CRADD: variants seen among roughly 807,000 people sequenced by gnomAD.
CRADD encodes death domain-containing protein CRADD.
In CRADD, 9 loss-of-function variants were observed where a neutral mutation model predicts 15.5. The observed-to-expected ratio is 0.58, with a 90% CI of 0.35 to 1.01. The LOEUF is 1.01. Among genes scored for constraint, CRADD ranks in the 50% least tolerant of loss-of-function variants. The pLI, the probability that CRADD is intolerant of heterozygous loss-of-function variation, is 0.02. For synonymous variants in CRADD, 118 were observed against 107.6 expected (o/e 1.10, Z -0.60); for missense variants, 227 against 250.3 (o/e 0.91, Z 0.63).
intron 2 of CRADD, among the ~76,000 whole-genome samples, chr12:93,883,369 G>T (rs943817942): frequency 2.0e-5 from 3 of 152,158 alleles, no homozygotes; most frequent in African/African-American, 7.2e-5. Context: ...TTTAAAATAT[G>T]AAGTATTACT....
intron 2 of CRADD, among the ~76,000 whole-genome samples, chr12:93,874,814 G>GT (rs1200831982): frequency 6.6e-6 from 1 of 151,774 alleles, no homozygotes; most frequent in Non-Finnish European, 1.5e-5. Flanking sequence ...TTTGAATGTT[G>GT]TAAGACTTGT....
At chr12:93,878,718 T>G (rs560042624) in intron 2 of CRADD, among the ~76,000 whole-genome samples, 81 of 152,298 alleles carry the variant, frequency 5.3e-4, no homozygotes, top group African/African-American at 1.7e-3. Flanking sequence ...GCCTCCTCCA[T>G]GGGTGGGCGT....
intron 2 of CRADD, among the ~76,000 whole-genome samples, chr12:93,857,887 T>G (rs1350138977): frequency 6.6e-6 from 1 of 152,238 alleles, no homozygotes; most frequent in Admixed American, 6.5e-5. Flanking sequence ...ACATTGGAGA[T>G]AGTTGATTTA....
chr12:93,778,064 G>A (rs543335620), intron 2 of CRADD, among the ~76,000 whole-genome samples: 1 of 152,142 alleles, frequency 6.6e-6, no homozygotes, highest in Admixed American at 6.5e-5. Flanking sequence ...TCCATGTGTG[G>A]TTCAGTATTG....
chr12:93,771,020 T>G (rs1427001824), intron 2 of CRADD, among the ~76,000 whole-genome samples: 1 of 152,240 alleles, frequency 6.6e-6, no homozygotes, highest in East Asian at 1.9e-4. Context: ...GTTTTATGTT[T>G]TAGTTATTTA....
intron 2 of CRADD, among the ~76,000 whole-genome samples, chr12:93,710,551 G>T (rs1307201492): frequency 6.6e-6 from 1 of 151,946 alleles, no homozygotes; most frequent in Non-Finnish European, 1.5e-5. Flanking sequence ...CACCATGTTG[G>T]CCAGGCTGGT....
chr12:93,890,026 G>A (rs975098443), intron 2 of CRADD, among the ~76,000 whole-genome samples: 9 of 152,202 alleles, frequency 5.9e-5, no homozygotes, highest in African/African-American at 2.2e-4. Context: ...TACTCAGCCC[G>A]GGCCTCCGAG....
intron 2 of CRADD, among the ~76,000 whole-genome samples, chr12:93,733,249 C>T (rs559091595): frequency 6.6e-6 from 1 of 152,152 alleles, no homozygotes; most frequent in South Asian, 2.1e-4. Flanking sequence ...AAATTGGGTA[C>T]ACATAGCTAA....
rs77040975 is a variant in CRADD, at chr12:93,688,889, T to C, written c.298+9817T>C. Among the ~76,000 whole-genome samples the C allele has an allele frequency of 9.3e-3, 1,409 of 152,322 alleles. 16 individuals carry two copies. The highest frequency in any genetic ancestry group is 0.032 in the African/African-American group (1,350 of 41,564). ...CCTAATTCTTCTTCAGAAACTCCCC[T>C]ACTTCCAGTTTCTTCCAGACACACA... On this transcript the variant is annotated intron_variant, in intron 2 of 2. Coordinates refer to ENST00000332896, the MANE Select transcript of CRADD (RefSeq NM_003805.5).
chr12:93,780,912 A>ATT lies in CRADD; in HGVS notation c.299-69044_299-69043dup, dbSNP rs58068881. Among the ~76,000 whole-genome samples, 289 of 139,306 alleles carry ATT rather than the reference A, an allele frequency of 2.1e-3. 2 individuals carry two copies. The highest frequency in any genetic ancestry group is 0.012 in the Middle Eastern group (3 of 254). The allele number at this position is 139,306 out of a possible 152,430, so 91.4% of individuals were successfully genotyped here. On this transcript the variant is annotated intron_variant, in intron 2 of 2. Coordinates refer to ENST00000332896, the MANE Select transcript of CRADD (RefSeq NM_003805.5). The stretch of plus-strand genomic sequence containing the variant: ...CAGGCACATGCCACCATGCCCAGCT[A>ATT]TTTTTTTTTTTTTTTGTATTTTTAG...
chr12:93,823,197 C>A (rs535753100), intron 2 of CRADD, among the ~76,000 whole-genome samples: 9 of 151,522 alleles, frequency 5.9e-5, no homozygotes, highest in African/African-American at 1.9e-4. Context: ...GAGGCTGAAA[C>A]AGGAGAATCG....
rs1376815105 is a variant in CRADD, at chr12:93,825,718, T to C, written c.299-24252T>C. Reference sequence around the variant, plus strand: ...ACAGCAGTATTAGGCTATGAGAACCTATTTTGCTTAACCTCTTTCCGGCAA... The same window carrying C: ...ACAGCAGTATTAGGCTATGAGAACCCATTTTGCTTAACCTCTTTCCGGCAA... On this transcript the variant is annotated intron_variant, in intron 2 of 2. Transcript: ENST00000332896. 4.6e-5 allele frequency among the ~76,000 whole-genome samples: 7 copies of C among 152,296 alleles called. No homozygotes were observed. The East Asian group carries it at 1.4e-3, about 29-fold the overall frequency.
At position 93,874,736 on chromosome 12, in the gene CRADD, C is replaced by T. The variant is rs565049435; in HGVS notation, c.299-19314C>T. Among the ~76,000 whole-genome samples, 4 of 151,874 alleles carry T rather than the reference C, an allele frequency of 2.6e-5. No individual in the cohort carries two copies. The South Asian group carries it at 8.3e-4, about 32-fold the overall frequency. On this transcript the variant is annotated intron_variant, in intron 2 of 2. Transcript: ENST00000548483. ...TGTATTTGTAAAGTTTCCAAAATTCCTCTTGTTATTGATTTCTAGTTTTAT... is the reference window on the plus strand; with the variant it reads ...TGTATTTGTAAAGTTTCCAAAATTCTTCTTGTTATTGATTTCTAGTTTTAT...
intron 2 of CRADD, among the ~76,000 whole-genome samples, chr12:93,753,899 C>G (rs2136942625): frequency 6.6e-6 from 1 of 152,352 alleles, no homozygotes; most frequent in East Asian, 1.9e-4. Flanking sequence ...GGGCGTGGCC[C>G]TCTTCTCACA....
intron 2 of CRADD, chr12:93,737,926 T>G (rs1956603272): frequency 4.3e-6 from 1 of 231,210 alleles, no homozygotes; most frequent in Non-Finnish European, 8.3e-6. Context: ...ACATTAGCAA[T>G]TTGGACTGAG....
intron 2 of CRADD, among the ~76,000 whole-genome samples, chr12:93,777,815 G>A (rs182812814): frequency 4.7e-4 from 72 of 152,220 alleles, no homozygotes; most frequent in Middle Eastern, 3.4e-3. Flanking sequence ...TGGTGCTTGC[G>A]GCTGTTTGAA....
At chr12:93,689,697 C>T (rs535766540) in intron 2 of CRADD, among the ~76,000 whole-genome samples, 1 of 152,196 alleles carries the variant, frequency 6.6e-6, no homozygotes, top group South Asian at 2.1e-4. Flanking sequence ...ATAATACCGC[C>T]GAGATGTACT....
chr12:93,817,639 C>T (rs1436116591), intron 2 of CRADD, among the ~76,000 whole-genome samples: 4 of 152,172 alleles, frequency 2.6e-5, no homozygotes, highest in Non-Finnish European at 4.4e-5. Flanking sequence ...TACTCCTCAA[C>T]CACAAACACG....
intron 2 of CRADD, among the ~76,000 whole-genome samples, chr12:93,770,214 G>C (rs188948777): frequency 6.7e-6 from 1 of 149,158 alleles, no homozygotes; most frequent in East Asian, 2.0e-4. Flanking sequence ...TCCTGCCTCA[G>C]CCTCCCGAGT....
Sources: allele counts gnomAD v4.1 joint callset (sites outside exome capture counted in the v4.1 genomes callset), GRCh38; gene constraint gnomAD v4.1.1; transcripts MANE v1.5; gene names NCBI Gene and HGNC (gene_info 2026-07-23, HGNC 2026-07-21).